The following RERE variants were observed in gnomAD, a reference collection of about 807,000 sequenced individuals.
RERE encodes the protein arginine-glutamic acid dipeptide repeats, also known as arginine-glutamic acid dipeptide repeats protein.
RERE carries 40 observed loss-of-function variants against 146.1 expected under a neutral mutation model. The ratio of observed to expected loss-of-function variants is 0.27; its 90% CI spans 0.21 to 0.36. RERE has a LOEUF of 0.36. Ranked by LOEUF, RERE falls within the 10% of genes least tolerant of loss-of-function variation. The pLI is 1.00. For synonymous variants in RERE, 1,003 were observed against 866.0 expected, an observed-to-expected ratio of 1.16 and a Z score of -2.78; for missense variants, 1,933 against 2,138.7, an observed-to-expected ratio of 0.90 and a Z score of 1.90.
At chr1:8,591,976 T>C (rs1004433520) in intron 4 of RERE, among the ~76,000 whole-genome samples, 2 of 152,192 alleles carry the variant, frequency 1.3e-5, no homozygotes, top group African/African-American at 4.8e-5. Flanking sequence ...GAGGGTTTAA[T>C]AAACTTTGGC....
chr1:8,805,536 C>G (rs1203859145), intron 1 of RERE, among the ~76,000 whole-genome samples: 2 of 151,718 alleles, frequency 1.3e-5, no homozygotes, highest in African/African-American at 4.8e-5. Flanking sequence ...GTAGTCCCAG[C>G]TACTTGAGAG....
Position 8,659,842 on chromosome 1 carries a change from ACAC to A in RERE, c.-144-3404_-144-3402del, listed in dbSNP as rs1257989769. On this transcript the variant is annotated intron_variant, in intron 1 of 22. Coordinates refer to ENST00000400908, the MANE Select transcript of RERE (RefSeq NM_001042681.2). ...ATAGTAAGTCCAAATTGTACATTCA[ACAC>A]TACTCACTACAAAATCATACACTGT... Among the ~76,000 whole-genome samples the A allele has an allele frequency of 2.6e-5, 4 of 152,232 alleles. No individual in the cohort carries two copies. In the East Asian group the frequency reaches 7.7e-4, roughly 29 times the overall value.
chr1:8,564,832 ATGTGTGTGTGTGTG>A (rs567556868), intron 4 of RERE, among the ~76,000 whole-genome samples: 16 of 139,016 alleles, frequency 1.2e-4, no homozygotes, highest in Non-Finnish European at 2.3e-4. Flanking sequence ...GTATATGTGT[ATGTGTGTGTGTGTG>A]TGTGTGTGTG....
chr1:8,625,124 T>TTTTG (rs371343162), intron 2 of RERE, among the ~76,000 whole-genome samples: 37 of 152,196 alleles, frequency 2.4e-4, no homozygotes, highest in South Asian at 6.2e-4. Flanking sequence ...AAAGCGTTGC[T>TTTTG]TTTGTTTGTT....
intron 1 of RERE, among the ~76,000 whole-genome samples, chr1:8,746,991 G>A (rs1276263008): frequency 6.6e-6 from 1 of 151,162 alleles, no homozygotes; most frequent in African/African-American, 2.4e-5. Flanking sequence ...CCAAGCAGAA[G>A]AGGGACAGGA....
chr1:8,551,537 T>C (rs143706755), intron 6 of RERE, among the ~76,000 whole-genome samples: 1,669 of 152,350 alleles, frequency 0.011, 18 homozygotes, highest in Middle Eastern at 0.041. Flanking sequence ...AAGTGTATGC[T>C]GAGTGATTAC....
intron 4 of RERE, among the ~76,000 whole-genome samples, chr1:8,568,693 G>A (rs1570449963): frequency 6.6e-6 from 1 of 151,996 alleles, no homozygotes; most frequent in African/African-American, 2.4e-5. Flanking sequence ...ACAGCCTCCA[G>A]AACTATAATA....
At chr1:8,756,837 A>G (rs1455209562) in intron 1 of RERE, among the ~76,000 whole-genome samples, 1 of 152,154 alleles carries the variant, frequency 6.6e-6, no homozygotes, top group Non-Finnish European at 1.5e-5. Flanking sequence ...CACACCTGTA[A>G]TCCCAGCACT....
chr1:8,663,318 A>T (rs569624607), intron 1 of RERE, among the ~76,000 whole-genome samples: 1 of 152,344 alleles, frequency 6.6e-6, no homozygotes, highest in East Asian at 1.9e-4. Flanking sequence ...TTGACTAAAT[A>T]CAGTGAGCGA....
intron 12 of RERE, among the ~76,000 whole-genome samples, chr1:8,416,702 T>A (rs1643783249): frequency 6.6e-6 from 1 of 151,846 alleles, no homozygotes; most frequent in Admixed American, 6.6e-5. Flanking sequence ...AAAAACAAAA[T>A]CAAGCCCTAA....
At chr1:8,609,688 A>G (rs150482724) in intron 4 of RERE, among the ~76,000 whole-genome samples, 83 of 152,354 alleles carry the variant, frequency 5.4e-4, no homozygotes, top group African/African-American at 1.9e-3. Flanking sequence ...CAAGTAGGTA[A>G]CAAACGTAAT....
At chr1:8,525,767 G>T (rs761690074) in intron 7 of RERE, 11 of 1,600,038 alleles carry the variant, frequency 6.9e-6, no homozygotes, top group Non-Finnish European at 9.4e-6. Context: ...ACCTGCAGGG[G>T]CTGAATGGAT....
Position 8,364,311 on chromosome 1 carries a change from T to A in RERE, c.1541-56A>T. 6.5e-7 allele frequency: 1 copy of A among 1,531,530 alleles called. No individual in the cohort carries two copies. Among genetic ancestry groups the A allele is most frequent in the Non-Finnish European group, 9.0e-7 (1 of 1,106,982 alleles). The allele number at this position is 1,531,530 out of a possible 1,614,324, so 94.9% of individuals were successfully genotyped here. A position where few individuals can be genotyped will look rare whatever the true frequency, so the allele number is the denominator to read the frequency against. On this transcript the variant is annotated intron_variant, in intron 14 of 22. Coordinates refer to ENST00000400908, the MANE Select transcript of RERE (RefSeq NM_001042681.2). This position sits in a 1 kb window ranked among gnomAD's most constrained non-coding sequence, Gnocchi z 5.1. Reference sequence around the variant, plus strand: ...TGGAAACCATCCCTCTCCCTGGGGATGTCTGGGCAGAGGGGCCCTTCTGTG... The same window carrying A: ...TGGAAACCATCCCTCTCCCTGGGGAAGTCTGGGCAGAGGGGCCCTTCTGTG...
chr1:8,768,897 T>C (rs1194909600), intron 1 of RERE, among the ~76,000 whole-genome samples: 1 of 152,052 alleles, frequency 6.6e-6, no homozygotes, highest in African/African-American at 2.4e-5. Context: ...AGAGAAGGAG[T>C]TCATCATCCT....
At chr1:8,389,913 A>G (rs1642825953) in intron 12 of RERE, among the ~76,000 whole-genome samples, 1 of 152,176 alleles carries the variant, frequency 6.6e-6, no homozygotes, top group Non-Finnish European at 1.5e-5. Flanking sequence ...ACCAATGGCC[A>G]AAGAGTATCT....
intron 1 of RERE, among the ~76,000 whole-genome samples, chr1:8,711,326 C>T (rs890681953): frequency 6.6e-6 from 1 of 152,056 alleles, no homozygotes; most frequent in African/African-American, 2.4e-5. Flanking sequence ...ACTGTTATGA[C>T]ATTAGTCATC....
rs776996230 is a variant in RERE, at chr1:8,358,898, G to A, written c.3637C>T (p.His1213Tyr). 1.0e-5 allele frequency: 16 copies of A among 1,544,292 alleles called. No homozygotes were observed. The highest frequency in any genetic ancestry group is 1.4e-5 in the Non-Finnish European group (16 of 1,146,246). ...TGTGGGTCACTGAGGCGACCTTCAT[G>A]CGCTGAGCTGGACGCCTTCTGCAGA... ...ERAAKASSSAHEGRLSDPQLS... is the reference protein window; with the variant it reads ...ERAAKASSSAYEGRLSDPQLS... The change falls in exon 20 of 23, where the codon CAT (histidine) becomes TAT (tyrosine). Residue 1213 changes from histidine (H) to tyrosine (Y), a missense_variant. By Grantham distance (83) the His-to-Tyr change is moderately conservative (BLOSUM62 2). Transcript: ENST00000400908.
chr1:8,605,214 C>A (rs1646687613), intron 4 of RERE, among the ~76,000 whole-genome samples: 1 of 152,146 alleles, frequency 6.6e-6, no homozygotes, highest in African/African-American at 2.4e-5. Flanking sequence ...CTCACTGCAA[C>A]CTCCACCTCC....
chr1:8,362,945 C>T (rs905184832), intron 15 of RERE, 101 bp from the exon 16 acceptor site: 2 of 1,317,230 alleles, frequency 1.5e-6, no homozygotes, highest in South Asian at 1.4e-5. Context: ...CACACCCTAT[C>T]AGCCTCTCAG....
Sources: gnomAD v4.1 joint callset for allele counts (sites outside exome capture counted in the v4.1 genomes callset) on GRCh38, gnomAD v4.1.1 for gene constraint, Gnocchi (gnomAD v3.1) non-coding constraint, MANE v1.5 for transcripts, NCBI Gene and HGNC (gene_info 2026-07-23, HGNC 2026-07-21) for gene names.